KIF18B: variants seen among roughly 807,000 people sequenced by gnomAD.
KIF18B encodes the protein kinesin family member 18B, also known as kinesin-like protein KIF18B.
A neutral mutation model predicts 80.9 loss-of-function variants in KIF18B; 49 were observed. The observed-to-expected ratio is 0.61, with a 90% CI of 0.48 to 0.77. The LOEUF (loss-of-function observed/expected upper bound fraction) is 0.77. Among genes scored for constraint, KIF18B ranks in the 30% least tolerant of loss-of-function variants. KIF18B has a pLI of 0.00. For missense variants in KIF18B, 994 were observed against 1,127.7 expected, an observed-to-expected ratio of 0.88 and a Z score of 1.70; for synonymous variants, 439 against 463.9, an observed-to-expected ratio of 0.95 and a Z score of 0.69.
At chr17:44,933,877 C>T (rs373772752) in intron 7 of KIF18B, 46 bp downstream of exon 7, 90 of 1,511,714 alleles carry the variant, frequency 6.0e-5, no homozygotes, top group Middle Eastern at 4.1e-4. Context: ...TCCTGCTCCC[C>T]GGCTGGAGCT....
chr17:44,933,791 G>A, intron 7 of KIF18B, 132 bp downstream of exon 7: 2 of 891,366 alleles, frequency 2.2e-6, no homozygotes, highest in African/African-American at 1.7e-5. Flanking sequence ...CCATGTCCAG[G>A]CCAGAGGAAC....
At chr17:44,946,105 C>T (rs961162972) in intron 1 of KIF18B, among the ~76,000 whole-genome samples, 9 of 151,226 alleles carry the variant, frequency 6.0e-5, no homozygotes, top group Non-Finnish European at 1.3e-4. Context: ...AACGTAATTG[C>T]TTATGTAAAA....
intron 11 of KIF18B, 94 bp from the exon 12 acceptor site, chr17:44,929,118 G>T: frequency 8.7e-7 from 1 of 1,143,900 alleles, no homozygotes; most frequent in African/African-American, 1.5e-5. Flanking sequence ...CTCCAGCTGT[G>T]GTTGAGGAGT....
At chr17:44,938,730 C>T (rs2052358026) in intron 1 of KIF18B, among the ~76,000 whole-genome samples, 1 of 152,124 alleles carries the variant, frequency 6.6e-6, no homozygotes, top group Admixed American at 6.6e-5. Flanking sequence ...CCAAATTTAA[C>T]ATAACTAAAG....
At chr17:44,941,491 A>G (rs2052417176) in intron 1 of KIF18B, among the ~76,000 whole-genome samples, 1 of 151,686 alleles carries the variant, frequency 6.6e-6, no homozygotes, top group East Asian at 1.9e-4. Flanking sequence ...GGCGCCCACC[A>G]TTACGGCCAG....
chr17:44,926,850 C>A, intron 14 of KIF18B, 139 bp downstream of exon 14: 1 of 734,046 alleles, frequency 1.4e-6, no homozygotes, highest in Non-Finnish European at 2.3e-6. Context: ...TAGATGCGGG[C>A]CCTGCTCACA....
In KIF18B at chr17:44,925,671, C is replaced by A; in HGVS notation, c.*409G>T. On this transcript the variant is annotated 3_prime_UTR_variant, in exon 16 of 16. Transcript: ENST00000593135. ...TGATGGGTGCCTGTAATCCCAGCTA[C>A]TTGGAAAGCTGAGGCAGGAGAATTA... 4.4e-6 allele frequency: 1 copy of A among 227,078 alleles called. No homozygotes were observed. The highest frequency in any genetic ancestry group is 5.3e-5 in the South Asian group (1 of 18,792). 14.1% of individuals were successfully genotyped at this position (227,078 alleles called of 1,614,324 possible).
rs930175060 is a variant in KIF18B, at chr17:44,934,735, C to T, written c.576+96G>A. 25 of 1,254,140 alleles carry T rather than the reference C, an allele frequency of 2.0e-5. No individual in the cohort carries two copies. The highest frequency in any genetic ancestry group is 2.8e-5 in the Non-Finnish European group (25 of 900,074). 77.7% of individuals were successfully genotyped at this position (1,254,140 alleles called of 1,614,324 possible). A position where few individuals can be genotyped will look rare whatever the true frequency, so the allele number is the denominator to read the frequency against. On this transcript the variant is annotated intron_variant, in intron 4 of 15. Coordinates refer to ENST00000593135, the MANE Select transcript of KIF18B (RefSeq NM_001265577.2). The surrounding 1 kb of genome is among the most constrained non-coding windows in gnomAD (Gnocchi z 5.4). ...CCCCTTGCTACCACCACCACTGCTA[C>T]CACCATCACAGGACCCAGGGCATCC... is the stretch of plus-strand genomic sequence containing the variant.
chr17:44,940,494 C>T (rs569066601), intron 1 of KIF18B, among the ~76,000 whole-genome samples: 1 of 152,272 alleles, frequency 6.6e-6, no homozygotes, highest in African/African-American at 2.4e-5. Flanking sequence ...CATCCCCAGA[C>T]CTCTCTCCCT....
chr17:44,942,426 A>T (rs1469573795), intron 1 of KIF18B, among the ~76,000 whole-genome samples: 1 of 152,170 alleles, frequency 6.6e-6, no homozygotes, highest in Non-Finnish European at 1.5e-5. Context: ...AGCTCCTCAC[A>T]AGTCCCTGGA....
intron 2 of KIF18B, 40 bp downstream of exon 2, chr17:44,935,984 AGGAGGCAG>A: frequency 6.5e-7 from 1 of 1,533,064 alleles, no homozygotes; most frequent in Non-Finnish European, 9.0e-7. Flanking sequence ...TTCCCTTAGG[AGGAGGCAG>A]GGAGGCCAGG....
chr17:44,940,232 AATG>A (rs1437942812), intron 1 of KIF18B, among the ~76,000 whole-genome samples: 3 of 152,252 alleles, frequency 2.0e-5, no homozygotes, highest in Non-Finnish European at 2.9e-5. Flanking sequence ...CTTTCAATTA[AATG>A]ATGATATCGT....
intron 9 of KIF18B, 172 bp downstream of exon 9, chr17:44,932,501 C>T: frequency 1.6e-6 from 1 of 608,376 alleles, no homozygotes. Flanking sequence ...TCATTGGACA[C>T]AGCACTCTAG....
intron 1 of KIF18B, among the ~76,000 whole-genome samples, chr17:44,947,113 C>CA (rs57955845): frequency 0.036 from 1,927 of 53,846 alleles, 94 homozygotes; most frequent in Admixed American, 0.057. Context: ...ACTCCATCTC[C>CA]AAAAAAAAAA....
chr17:44,940,400 T>C (rs1399750610), intron 1 of KIF18B, among the ~76,000 whole-genome samples: 1 of 152,236 alleles, frequency 6.6e-6, no homozygotes, highest in East Asian at 1.9e-4. Flanking sequence ...CTTTAATCTA[T>C]TAATGTAGAG....
intron 7 of KIF18B, 60 bp from the exon 8 acceptor site, chr17:44,933,046 C>T: frequency 6.7e-7 from 1 of 1,495,050 alleles, no homozygotes; most frequent in Non-Finnish European, 9.2e-7. Context: ...TTATCAGCCA[C>T]CGCCGATGGC....
chr17:44,938,128 G>A (rs532020241), intron 1 of KIF18B, among the ~76,000 whole-genome samples: 2 of 152,144 alleles, frequency 1.3e-5, no homozygotes, highest in Admixed American at 6.5e-5. Flanking sequence ...CAATTCTCCT[G>A]CCTCAGCCTC....
chr17:44,932,024 C>T (rs761599223), intron 10 of KIF18B, 32 bp downstream of exon 10: 18 of 1,583,410 alleles, frequency 1.1e-5, no homozygotes, highest in East Asian at 6.8e-5. Flanking sequence ...CAAGCCCTCC[C>T]GATACCCAGG....
At chr17:44,926,871 T>A in intron 14 of KIF18B, 118 bp downstream of exon 14, 1 of 863,020 alleles carries the variant, frequency 1.2e-6, no homozygotes, top group Non-Finnish European at 1.9e-6. Flanking sequence ...GGACCTCAGC[T>A]GCTTGCTCCG....
Sources: gnomAD v4.1 joint callset for allele counts (sites outside exome capture counted in the v4.1 genomes callset) on GRCh38, gnomAD v4.1.1 for gene constraint, Gnocchi (gnomAD v3.1) non-coding constraint, MANE v1.5 for transcripts, NCBI Gene and HGNC (gene_info 2026-07-23, HGNC 2026-07-21) for gene names.